Variants in GPC5 observed in about 807,000 individuals in gnomAD.
GPC5 encodes glypican 5, also known as glypican-5.
GPC5 carries 47 observed loss-of-function variants against 53.9 expected under a neutral mutation model. The ratio of observed to expected loss-of-function variants is 0.87; its 90% CI spans 0.69 to 1.11. The LOEUF is 1.11. GPC5 is among the 50% of genes most tolerant of loss of function. The pLI is 0.00. For synonymous variants in GPC5, 286 were observed against 263.3 expected (o/e 1.09, Z -0.84); for missense variants, 748 against 713.1 (o/e 1.05, Z -0.56).
At position 92,239,206 on chromosome 13, in the gene GPC5, G is replaced by T. The variant is rs547515053; in HGVS notation, c.1561+94217G>T. On this transcript the variant is annotated intron_variant, in intron 7 of 7. Transcript: ENST00000377067. ...CTTATTTGATTTCCCTTGAATTTCT[G>T]TATGACTTTTAGTTTAGTTTGTCAA... Among the ~76,000 whole-genome samples, 703 of 148,224 alleles carry T rather than the reference G, an allele frequency of 4.7e-3. 2 individuals carry two copies. Among genetic ancestry groups the T allele is most frequent in the African/African-American group, 0.016 (642 of 40,100 alleles).
intron 6 of GPC5, among the ~76,000 whole-genome samples, chr13:92,105,192 T>C (rs1353074165): frequency 1.3e-5 from 2 of 152,012 alleles, no homozygotes; most frequent in African/African-American, 4.8e-5. Context: ...GTGAGGGGAA[T>C]TCACAACTAT....
intron 7 of GPC5, among the ~76,000 whole-genome samples, chr13:92,853,010 C>T (rs1322528723): frequency 2.0e-5 from 3 of 152,112 alleles, no homozygotes; most frequent in Non-Finnish European, 4.4e-5. Context: ...ATTTGCACAT[C>T]AGAGTTAGAG....
intron 6 of GPC5, among the ~76,000 whole-genome samples, chr13:91,959,220 A>C (rs1335712509): frequency 6.6e-6 from 1 of 152,008 alleles, no homozygotes. Context: ...GAAATGGGAA[A>C]CACTTCAGCT....
intron 6 of GPC5, among the ~76,000 whole-genome samples, chr13:92,077,208 G>A (rs2041258877): frequency 1.3e-5 from 2 of 152,068 alleles, no homozygotes; most frequent in African/African-American, 2.4e-5. Context: ...ACCACCTTGG[G>A]CACATGTTCT....
At chr13:91,669,250 A>G (rs1266202453) in intron 2 of GPC5, among the ~76,000 whole-genome samples, 2 of 152,246 alleles carry the variant, frequency 1.3e-5, no homozygotes, top group African/African-American at 4.8e-5. Context: ...TTACGAGCAC[A>G]CTGCAAACAA....
At chr13:91,654,145 A>G (rs2034789369) in intron 2 of GPC5, among the ~76,000 whole-genome samples, 1 of 152,164 alleles carries the variant, frequency 6.6e-6, no homozygotes, top group African/African-American at 2.4e-5. Context: ...TAACATGAAT[A>G]TTGTTGGATT....
chr13:92,338,612 A>G (rs910046057), intron 7 of GPC5, among the ~76,000 whole-genome samples: 2 of 152,116 alleles, frequency 1.3e-5, no homozygotes, highest in Non-Finnish European at 2.9e-5. Context: ...TTACAGGCAT[A>G]TTATTAAAAG....
chr13:91,620,857 C>A (rs746862472), intron 2 of GPC5, among the ~76,000 whole-genome samples: 19 of 152,048 alleles, frequency 1.2e-4, no homozygotes, highest in Non-Finnish European at 2.2e-4. Context: ...TGCTTTGAGG[C>A]TTTTGCTATA....
intron 7 of GPC5, among the ~76,000 whole-genome samples, chr13:92,702,834 C>A (rs1186058180): frequency 6.6e-6 from 1 of 151,954 alleles, no homozygotes; most frequent in Non-Finnish European, 1.5e-5. Context: ...GATCTCCACT[C>A]CCTCCTCCCT....
intron 6 of GPC5, among the ~76,000 whole-genome samples, chr13:92,136,803 G>A (rs2041787996): frequency 6.6e-6 from 1 of 152,198 alleles, no homozygotes; most frequent in Non-Finnish European, 1.5e-5. Flanking sequence ...TAGCAAATAT[G>A]GGATATTGCC....
chr13:92,200,445 G>A (rs982971517), intron 7 of GPC5, among the ~76,000 whole-genome samples: 5 of 152,126 alleles, frequency 3.3e-5, no homozygotes, highest in African/African-American at 7.2e-5. Flanking sequence ...CATTCAACTC[G>A]AATGTACTTA....
At chr13:91,745,880 A>T (rs1014145713) in intron 4 of GPC5, among the ~76,000 whole-genome samples, 1 of 152,152 alleles carries the variant, frequency 6.6e-6, no homozygotes, top group Non-Finnish European at 1.5e-5. Flanking sequence ...CGAGACTTCC[A>T]TTCTCCATCC....
chr13:91,952,072 CAGTAA>C (rs2040030475), intron 6 of GPC5, among the ~76,000 whole-genome samples: 1 of 152,040 alleles, frequency 6.6e-6, no homozygotes, highest in South Asian at 2.1e-4. Context: ...TAACTGAAAA[CAGTAA>C]CGACTTTTGA....
chr13:91,802,782 C>T (rs575216449), intron 5 of GPC5, among the ~76,000 whole-genome samples: 6 of 152,216 alleles, frequency 3.9e-5, no homozygotes, highest in Non-Finnish European at 7.4e-5. Flanking sequence ...ACCTTGGACT[C>T]GCAATCAAAA....
chr13:91,960,520 T>C (rs2139074158), intron 6 of GPC5, among the ~76,000 whole-genome samples: 1 of 151,880 alleles, frequency 6.6e-6, no homozygotes, highest in South Asian at 2.1e-4. Flanking sequence ...GCCACCTCTA[T>C]AAAAAGACCA....
intron 7 of GPC5, among the ~76,000 whole-genome samples, chr13:92,510,622 CCTG>C (rs1273329029): frequency 6.6e-6 from 1 of 152,126 alleles, no homozygotes; most frequent in Non-Finnish European, 1.5e-5. Flanking sequence ...TCTGAGCTCT[CCTG>C]CTGGGATCAA....
intron 5 of GPC5, among the ~76,000 whole-genome samples, chr13:91,875,648 T>C (rs1334149384): frequency 6.6e-6 from 1 of 152,226 alleles, no homozygotes; most frequent in Non-Finnish European, 1.5e-5. Context: ...TTCTTTATTG[T>C]TTCTTGCAAC....
intron 5 of GPC5, among the ~76,000 whole-genome samples, chr13:91,902,807 T>C (rs1192138169): frequency 6.6e-6 from 1 of 152,044 alleles, no homozygotes; most frequent in Non-Finnish European, 1.5e-5. Context: ...TGAGGTTTTA[T>C]ATCAGACTTA....
intron 7 of GPC5, among the ~76,000 whole-genome samples, chr13:92,462,634 C>T (rs9301809): frequency 0.3 from 45,367 of 151,794 alleles, 7,343 homozygotes; most frequent in East Asian, 0.42. Context: ...AGACACAAAT[C>T]CAACAGTTGT....
Sources: allele counts gnomAD v4.1 joint callset (sites outside exome capture counted in the v4.1 genomes callset), GRCh38; gene constraint gnomAD v4.1.1; transcripts MANE v1.5; gene names NCBI Gene and HGNC (gene_info 2026-07-23, HGNC 2026-07-21).